TULP4: variants seen among roughly 807,000 people sequenced by gnomAD.
The protein encoded by TULP4 is TUB like protein 4.
In TULP4, 16 loss-of-function variants were observed where a neutral mutation model predicts 129.0. The observed-to-expected ratio is 0.12, with a 90% CI of 0.08 to 0.19. The LOEUF is 0.19. Among genes scored for constraint, TULP4 ranks in the 10% least tolerant of loss-of-function variants. The pLI, the probability that TULP4 is intolerant of heterozygous loss-of-function variation, is 1.00. For synonymous variants in TULP4, 998 were observed against 854.0 expected, an observed-to-expected ratio of 1.17 and a Z score of -2.94; for missense variants, 1,842 against 2,059.1, an observed-to-expected ratio of 0.89 and a Z score of 2.04.
Position 158,245,159 on chromosome 6 carries a change from AT to A in TULP4, n.68+12874del, listed in dbSNP as rs76155193. ...CATATCACCACACCTGGTCAATTAA[AT>A]TTTTTTTTTTTTTTTTTAGGGATGA... On this transcript the variant is annotated intron_variant and non_coding_transcript_variant, in intron 1 of 1. Coordinates refer to the TULP4 transcript ENST00000620026. Among the ~76,000 whole-genome samples the A allele has an allele frequency of 7.1e-3, 974 of 136,300 alleles. 3 individuals carry two copies. Among genetic ancestry groups the A allele is most frequent in the African/African-American group, 0.01 (386 of 36,766 alleles). The allele number at this position is 136,300 out of a possible 152,430, so 89.4% of individuals were successfully genotyped here. A position where few individuals can be genotyped will look rare whatever the true frequency, so the allele number is the denominator to read the frequency against.
At chr6:158,367,622 G>A (rs548908278) in intron 1 of TULP4, among the ~76,000 whole-genome samples, 2 of 152,142 alleles carry the variant, frequency 1.3e-5, no homozygotes, top group Admixed American at 6.5e-5. Context: ...TTTTAAAGAT[G>A]TATGAATTTA....
At chr6:158,354,827 A>G (rs1416125432) in intron 1 of TULP4, among the ~76,000 whole-genome samples, 1 of 149,100 alleles carries the variant, frequency 6.7e-6, no homozygotes, top group Non-Finnish European at 1.5e-5. Flanking sequence ...GTTCTAGGTT[A>G]CAGTGAGCTA....
intron 1 of TULP4, among the ~76,000 whole-genome samples, chr6:158,291,963 T>G (rs2128470971): frequency 6.6e-6 from 1 of 152,338 alleles, no homozygotes; most frequent in South Asian, 2.1e-4. Flanking sequence ...TCTGAAGATT[T>G]GGGGATCTAA....
intron 3 of TULP4, among the ~76,000 whole-genome samples, chr6:158,436,173 C>T (rs1583873468): frequency 6.6e-6 from 1 of 152,198 alleles, no homozygotes; most frequent in East Asian, 1.9e-4. Context: ...TCCTAAAGTG[C>T]TGGGACTACA....
chr6:158,356,442 ATT>A (rs1362336270), intron 1 of TULP4, among the ~76,000 whole-genome samples: 1 of 152,186 alleles, frequency 6.6e-6, no homozygotes, highest in Non-Finnish European at 1.5e-5. Context: ...GGACTATTGG[ATT>A]CAGCAGTTTG....
chr6:158,312,243 A>G, upstream of TULP4: 1 of 397,532 alleles, frequency 2.5e-6, no homozygotes, highest in African/African-American at 2.1e-5. Context: ...ACAACTGATG[A>G]AAATTAATTT....
At chr6:158,322,048 T>C (rs1252347822) in intron 1 of TULP4, among the ~76,000 whole-genome samples, 1 of 152,238 alleles carries the variant, frequency 6.6e-6, no homozygotes, top group Non-Finnish European at 1.5e-5. Context: ...TCCACCTCAC[T>C]GTGCATAGTG....
At chr6:158,442,896 C>G (rs1778932851) in intron 3 of TULP4, among the ~76,000 whole-genome samples, 1 of 151,862 alleles carries the variant, frequency 6.6e-6, no homozygotes, top group South Asian at 2.1e-4. Context: ...TCACTGCAAC[C>G]TCCACCTCCT....
rs755383521 is a variant in TULP4, at chr6:158,502,591, G to T, written c.2928G>T (p.Gln976His). 4 of 1,601,950 alleles carry T rather than the reference G, an allele frequency of 2.5e-6. No individual in the cohort carries two copies. The South Asian group carries it at 4.4e-5, about 18-fold the overall frequency. ...TGGCCCAGGGGCGGGGGGCTGCCCA[G>T]AGGTCCGACAATAGCCTCATCCACG... ...SQLAQGRGAA[Q>H]RSDNSLIHAT... is the part of the protein sequence containing the mutation. Residue 976 changes from glutamine to histidine, a missense_variant, in exon 13 of 14, where the codon CAG becomes CAT. Gln to His is a conservative substitution (Grantham distance 24). This residue lies in a region of TULP4 where 1,089 missense variants were observed against 987.1 expected (regional missense o/e 1.10). Coordinates refer to ENST00000367097, the MANE Select transcript of TULP4 (RefSeq NM_020245.5).
chr6:158,405,630 C>T (rs1165633258), intron 1 of TULP4, among the ~76,000 whole-genome samples: 1 of 152,124 alleles, frequency 6.6e-6, no homozygotes, highest in Non-Finnish European at 1.5e-5. Flanking sequence ...CAAGTCTAGA[C>T]ACATTCCAGA....
chr6:158,414,205 T>C (rs531841875), intron 2 of TULP4, among the ~76,000 whole-genome samples: 27 of 152,206 alleles, frequency 1.8e-4, no homozygotes, highest in Non-Finnish European at 3.2e-4. Context: ...GTAAATGTAA[T>C]AATATTGACT....
chr6:158,502,832 G>T lies in TULP4; in HGVS notation c.3169G>T (p.Ala1057Ser), dbSNP rs138066719. Residue 1057 changes from alanine (A) to serine (S), a missense_variant, in exon 13 of 14, where the codon GCC becomes TCC. By Grantham distance (99) the Ala-to-Ser change is moderately conservative (BLOSUM62 1). Coordinates refer to ENST00000367097, the MANE Select transcript of TULP4 (RefSeq NM_020245.5). Reference sequence around the variant, plus strand: ...GCCCGGAGCCTCCCTGGCCCATACCGCCAGCGCCTCCCCGTTGGCCTCCCA... The same window carrying T: ...GCCCGGAGCCTCCCTGGCCCATACCTCCAGCGCCTCCCCGTTGGCCTCCCA... ...SQPGASLAHT[A>S]SASPLASQSS... 6.2e-7 allele frequency: 1 copy of T among 1,612,904 alleles called. No homozygotes were observed. The highest frequency in any genetic ancestry group is 8.5e-7 in the Non-Finnish European group (1 of 1,179,914).
At chr6:158,238,134 T>G (rs1213874442) in intron 1 of TULP4, 1 of 746,026 alleles carries the variant, frequency 1.3e-6, no homozygotes, top group Non-Finnish European at 2.5e-6. Flanking sequence ...CTGCTTTAAC[T>G]CCTCTCTGCT....
At chr6:158,496,064 C>G (rs1174765113) in intron 11 of TULP4, among the ~76,000 whole-genome samples, 1 of 152,168 alleles carries the variant, frequency 6.6e-6, no homozygotes, top group African/African-American at 2.4e-5. Context: ...ACCCCAGAGA[C>G]AGTAATGACG....
At chr6:158,265,216 G>C (rs1421352412) in intron 1 of TULP4, among the ~76,000 whole-genome samples, 2 of 152,190 alleles carry the variant, frequency 1.3e-5, no homozygotes, top group Non-Finnish European at 2.9e-5. Context: ...CCAGGAAATA[G>C]CAGGTTAGCC....
At chr6:158,269,371 C>T (rs377749752) in intron 1 of TULP4, among the ~76,000 whole-genome samples, 12 of 128,358 alleles carry the variant, frequency 9.3e-5, no homozygotes, top group African/African-American at 3.2e-4. Flanking sequence ...ACTTTAGTTT[C>T]AGCATTTGTA....
At chr6:158,377,400 C>G (rs1489130303) in intron 1 of TULP4, among the ~76,000 whole-genome samples, 1 of 152,160 alleles carries the variant, frequency 6.6e-6, no homozygotes, top group South Asian at 2.1e-4. Flanking sequence ...CACTCTTATC[C>G]CCATTGCTTT....
intron 2 of TULP4, among the ~76,000 whole-genome samples, chr6:158,427,245 T>C (rs2115051000): frequency 6.6e-6 from 1 of 152,276 alleles, no homozygotes; most frequent in East Asian, 1.9e-4. Context: ...TACTATATGG[T>C]ACCATTCGTG....
Position 158,242,542 on chromosome 6 carries a change from C to G in TULP4, n.68+10239C>G, listed in dbSNP as rs1488812624. On this transcript the variant is annotated intron_variant and non_coding_transcript_variant, in intron 1 of 1. Coordinates refer to the TULP4 transcript ENST00000620026. ...CTTTCTACTGTCTTCAAGACATTCTCAATTCTGTTGAGCCTGTACTCGCAA... is the reference window on the plus strand; with the variant it reads ...CTTTCTACTGTCTTCAAGACATTCTGAATTCTGTTGAGCCTGTACTCGCAA... 4 of 748,796 alleles carry G rather than the reference C, an allele frequency of 5.3e-6. No homozygotes were observed. The African/African-American group carries it at 6.9e-5, about 13-fold the overall frequency. 46.4% of individuals were successfully genotyped at this position (748,796 alleles called of 1,614,324 possible). A position where few individuals can be genotyped will look rare whatever the true frequency, so the allele number is the denominator to read the frequency against.
Sources: allele counts gnomAD v4.1 joint callset (sites outside exome capture counted in the v4.1 genomes callset), GRCh38; gene constraint gnomAD v4.1.1; regional missense constraint gnomAD v4.1.1; transcripts MANE v1.5; gene names NCBI Gene and HGNC (gene_info 2026-07-23, HGNC 2026-07-21).